CSMD1: variants seen among roughly 807,000 people sequenced by gnomAD.
CSMD1 encodes CUB and Sushi multiple domains 1.
CSMD1 carries 213 observed loss-of-function variants against 417.5 expected under a neutral mutation model. The observed-to-expected ratio is 0.51, with a 90% CI of 0.46 to 0.57. The LOEUF is 0.57. Ranked by LOEUF, CSMD1 falls within the 20% of genes least tolerant of loss-of-function variation. The pLI, the probability that CSMD1 is intolerant of heterozygous loss-of-function variation, is 0.00. For synonymous variants in CSMD1, 2,862 were observed against 1,736.8 expected (o/e 1.65, Z -16.11); for missense variants, 6,923 against 4,529.7 (o/e 1.53, Z -15.17).
intron 12 of CSMD1, among the ~76,000 whole-genome samples, chr8:3,441,276 G>A (rs1476349814): frequency 1.3e-5 from 2 of 151,980 alleles, no homozygotes; most frequent in South Asian, 2.1e-4. Context: ...GACTGAATTT[G>A]TATTGTTTTC....
In CSMD1 at chr8:4,802,346, T is replaced by TGC. The variant is rs765121324; in HGVS notation, c.86-164790_86-164789dup. On this transcript the variant is annotated intron_variant, in intron 1 of 69. Coordinates refer to ENST00000635120, the MANE Select transcript of CSMD1 (RefSeq NM_033225.6). ...ACTAGGAACAAGCAAAATGAGTGTG[T>TGC]GCGCGCGTGTGTGTGTGTGTGTGTG... is the stretch of plus-strand genomic sequence containing the variant. 6.1e-3 allele frequency among the ~76,000 whole-genome samples: 841 copies of TGC among 137,560 alleles called. 8 individuals carry two copies. The highest frequency in any genetic ancestry group is 0.024 in the African/African-American group (721 of 29,958). 90.2% of individuals were successfully genotyped at this position (137,560 alleles called of 152,430 possible).
rs376997267 is a variant in CSMD1 at position 4,637,538 on chromosome 8, C to G, written c.106G>C (p.Val36Leu). The G allele has an allele frequency of 4.6e-5, 74 of 1,612,048 alleles. No individual in the cohort carries two copies. The highest frequency in any genetic ancestry group is 6.1e-5 in the Non-Finnish European group (72 of 1,179,264). ...AAKGQNCGGL[V>L]QGPNGTIESP... Reference sequence around the variant, plus strand: ...TCAATAGTGCCATTGGGACCCTGGACTAAGCCTCCACAGTTCTGACCTGGA... The same window carrying G: ...TCAATAGTGCCATTGGGACCCTGGAGTAAGCCTCCACAGTTCTGACCTGGA... Residue 36 changes from valine to leucine, a missense_variant, in exon 2 of 70, where the codon GTC becomes CTC. Coordinates refer to ENST00000635120, the MANE Select transcript of CSMD1 (RefSeq NM_033225.6).
chr8:4,685,100 T>C (rs1215367287), intron 1 of CSMD1, among the ~76,000 whole-genome samples: 1 of 152,226 alleles, frequency 6.6e-6, no homozygotes, highest in African/African-American at 2.4e-5. Flanking sequence ...TACTGCCTTC[T>C]ATTATTATGA....
chr8:3,017,148 C>T (rs77442835), intron 52 of CSMD1, among the ~76,000 whole-genome samples: 1,642 of 152,270 alleles, frequency 0.011, 24 homozygotes, highest in Non-Finnish European at 0.013. Flanking sequence ...TTCATGTTTA[C>T]AATTACTAAT....
At position 3,795,383 on chromosome 8, in the gene CSMD1, T is replaced by TATAGATATAGATATCTATC. The variant is rs1563087685; in HGVS notation, c.819-41360_819-41342dup. Among the ~76,000 whole-genome samples the TATAGATATAGATATCTATC allele has an allele frequency of 9.7e-4, 40 of 41,040 alleles. 17 individuals carry two copies. The highest frequency in any genetic ancestry group is 1.6e-3 in the South Asian group (2 of 1,268). The allele number at this position is 41,040 out of a possible 152,430, so 26.9% of individuals were successfully genotyped here. A position where few individuals can be genotyped will look rare whatever the true frequency, so the allele number is the denominator to read the frequency against. On this transcript the variant is annotated intron_variant, in intron 5 of 69. Coordinates refer to ENST00000635120, the MANE Select transcript of CSMD1 (RefSeq NM_033225.6). ...ATCATGTATATAGATATATATCATG[T>TATAGATATAGATATCTATC]ATAGATATAGATATCTATCATAGAT...
intron 3 of CSMD1, among the ~76,000 whole-genome samples, chr8:4,150,495 A>T (rs74478021): frequency 0.031 from 4,770 of 152,246 alleles, 211 homozygotes; most frequent in African/African-American, 0.1. Context: ...CACAACAGAG[A>T]TATCTTCTAG....
At chr8:4,528,471 T>C (rs1585206549) in intron 2 of CSMD1, among the ~76,000 whole-genome samples, 1 of 152,170 alleles carries the variant, frequency 6.6e-6, no homozygotes, top group Admixed American at 6.5e-5. Flanking sequence ...AAAATGAGAA[T>C]CATGTAAGAC....
At chr8:4,690,694 A>G (rs559020553) in intron 1 of CSMD1, among the ~76,000 whole-genome samples, 43 of 152,298 alleles carry the variant, frequency 2.8e-4, no homozygotes, top group African/African-American at 1.0e-3. Context: ...TTGAATCATT[A>G]TACTGCAGTT....
chr8:3,928,235 G>T (rs1029273079), intron 5 of CSMD1, among the ~76,000 whole-genome samples: 1 of 152,126 alleles, frequency 6.6e-6, no homozygotes, highest in South Asian at 2.1e-4. Context: ...GAAATAGTAG[G>T]TATAATTAAT....
At chr8:4,790,100 G>C (rs1028084873) in intron 1 of CSMD1, among the ~76,000 whole-genome samples, 1 of 152,110 alleles carries the variant, frequency 6.6e-6, no homozygotes, top group Non-Finnish European at 1.5e-5. Context: ...AAAATACTAA[G>C]CTCCATCACT....
At chr8:3,932,102 A>G (rs1007630066) in intron 5 of CSMD1, among the ~76,000 whole-genome samples, 2 of 150,438 alleles carry the variant, frequency 1.3e-5, no homozygotes, top group Admixed American at 6.6e-5. Context: ...ATCCAGAATA[A>G]CATTCTTGAA....
At chr8:4,565,315 G>A (rs370939900) in intron 2 of CSMD1, among the ~76,000 whole-genome samples, 1 of 152,178 alleles carries the variant, frequency 6.6e-6, no homozygotes, top group Non-Finnish European at 1.5e-5. Flanking sequence ...TCAGTCTTAG[G>A]CAGTGATGGC....
chr8:4,401,600 G>T (rs1804648629), intron 3 of CSMD1, among the ~76,000 whole-genome samples: 1 of 152,024 alleles, frequency 6.6e-6, no homozygotes, highest in Non-Finnish European at 1.5e-5. Context: ...CTCCATCCCT[G>T]TCACCTCGGT....
intron 23 of CSMD1, among the ~76,000 whole-genome samples, chr8:3,311,849 A>G (rs1805376484): frequency 6.6e-6 from 1 of 152,174 alleles, no homozygotes; most frequent in Admixed American, 6.5e-5. Context: ...TGGGACTTAC[A>G]AATTGTTTCA....
intron 3 of CSMD1, among the ~76,000 whole-genome samples, chr8:4,160,126 C>T (rs1343071208): frequency 6.6e-6 from 1 of 151,098 alleles, no homozygotes. Flanking sequence ...TAAAAAATAA[C>T]GTCTTAATTC....
rs183030927 is a variant in CSMD1, at chr8:3,738,351, T to C, written c.931+15579A>G. ...ATACATCGTACAATGCATACAGGCATTGGGGCCTGGCAAAAATAACTACAA... is the reference window on the plus strand; with the variant it reads ...ATACATCGTACAATGCATACAGGCACTGGGGCCTGGCAAAAATAACTACAA... On this transcript the variant is annotated intron_variant, in intron 6 of 69. Transcript: ENST00000635120. Among the ~76,000 whole-genome samples the C allele has an allele frequency of 2.1e-4, 32 of 152,318 alleles. 1 individual carries two copies. The East Asian group carries it at 6.0e-3, about 28-fold the overall frequency.
chr8:2,992,159 G>T (rs922989848), intron 54 of CSMD1, among the ~76,000 whole-genome samples: 18 of 151,806 alleles, frequency 1.2e-4, no homozygotes, highest in Non-Finnish European at 2.4e-4. Context: ...GCACACACAT[G>T]AACAGACATG....
chr8:3,484,581 T>A (rs1350147525), intron 11 of CSMD1, among the ~76,000 whole-genome samples: 1 of 152,166 alleles, frequency 6.6e-6, no homozygotes, highest in Non-Finnish European at 1.5e-5. Context: ...GGAAAGCCCA[T>A]AAACTAGACT....
intron 6 of CSMD1, among the ~76,000 whole-genome samples, chr8:3,733,046 G>C (rs1796344953): frequency 6.6e-6 from 1 of 151,870 alleles, no homozygotes; most frequent in Non-Finnish European, 1.5e-5. Flanking sequence ...GAATATGTCA[G>C]CCGAAGTAAA....
Sources: allele counts gnomAD v4.1 joint callset (sites outside exome capture counted in the v4.1 genomes callset), GRCh38; gene constraint gnomAD v4.1.1; transcripts MANE v1.5; gene names NCBI Gene and HGNC (gene_info 2026-07-23, HGNC 2026-07-21).